HECW1: variants seen among roughly 807,000 people sequenced by gnomAD.
HECW1 encodes E3 ubiquitin-protein ligase HECW1.
In HECW1, 61 loss-of-function variants were observed where a neutral mutation model predicts 182.3. The ratio of observed to expected loss-of-function variants is 0.33; its 90% CI spans 0.27 to 0.41. HECW1 has a LOEUF of 0.41. Among genes scored for constraint, HECW1 ranks in the 10% least tolerant of loss-of-function variants. The pLI is 1.00. For missense variants in HECW1, 1,739 were observed against 2,108.9 expected, an observed-to-expected ratio of 0.82 and a Z score of 3.44; for synonymous variants, 859 against 832.6, an observed-to-expected ratio of 1.03 and a Z score of -0.55.
chr7:43,200,546 G>A (rs1411822583), intron 2 of HECW1, among the ~76,000 whole-genome samples: 1 of 152,164 alleles, frequency 6.6e-6, no homozygotes, highest in African/African-American at 2.4e-5. Context: ...TGATGTGTGT[G>A]CTGAGACAGC....
chr7:43,171,861 T>C (rs1171415734), intron 2 of HECW1, among the ~76,000 whole-genome samples: 1 of 152,124 alleles, frequency 6.6e-6, no homozygotes, highest in Non-Finnish European at 1.5e-5. Flanking sequence ...TTTTGACAGT[T>C]TTTGAGATTA....
intron 2 of HECW1, among the ~76,000 whole-genome samples, chr7:43,178,764 C>T (rs1250770865): frequency 6.6e-6 from 1 of 152,216 alleles, no homozygotes; most frequent in East Asian, 1.9e-4. Context: ...TGCTTTGAAT[C>T]ACTGTGGTTC....
chr7:43,151,273 T>C (rs1220000130), intron 2 of HECW1, among the ~76,000 whole-genome samples: 1 of 152,218 alleles, frequency 6.6e-6, no homozygotes, highest in Non-Finnish European at 1.5e-5. Context: ...AGATTATTTT[T>C]GGGGTTTCCT....
intron 4 of HECW1, among the ~76,000 whole-genome samples, 158 bp from the exon 5 acceptor site, chr7:43,320,477 C>A (rs1809963705): frequency 6.6e-6 from 1 of 152,218 alleles, no homozygotes; most frequent in Admixed American, 6.5e-5. Context: ...CCAATGGCGT[C>A]TTGGGGTGCT....
chr7:43,283,372 G>A (rs1015398954), intron 3 of HECW1, among the ~76,000 whole-genome samples: 3 of 152,136 alleles, frequency 2.0e-5, no homozygotes, highest in Non-Finnish European at 2.9e-5. Context: ...GAATCCAGCT[G>A]TCTTCTGTTA....
chr7:43,187,364 A>C (rs956521259), intron 2 of HECW1, among the ~76,000 whole-genome samples: 2 of 152,208 alleles, frequency 1.3e-5, no homozygotes, highest in African/African-American at 4.8e-5. Flanking sequence ...CACCTGCTGA[A>C]GGTAGTGTCA....
Position 43,509,747 on chromosome 7 carries a change from C to T in HECW1, c.4019+626C>T, listed in dbSNP as rs529260135. ...GCTGCTGGGACACCTGGGATGCAGG[C>T]ACTTTCCTGCTGCATCACCACATGC... is the stretch of plus-strand genomic sequence containing the variant. On this transcript the variant is annotated intron_variant, in intron 24 of 29. Coordinates refer to ENST00000395891, the MANE Select transcript of HECW1 (RefSeq NM_015052.5). 3 of 152,390 alleles carry T rather than the reference C, an allele frequency of 2.0e-5. No individual in the cohort carries two copies. In the South Asian group the frequency reaches 6.2e-4, roughly 32 times the overall value. 9.4% of individuals were successfully genotyped at this position (152,390 alleles called of 1,614,324 possible).
At position 43,563,867 on chromosome 7, in the gene HECW1, TA is replaced by T. The variant is rs11352876; in HGVS notation, c.*1951del. ...CTGGATGATCAAGGGAGACACCATCTAAAAAAAAAATAAATAAAAATAAAAG... is the reference window on the plus strand; with the variant it reads ...CTGGATGATCAAGGGAGACACCATCTAAAAAAAAATAAATAAAAATAAAAG... On this transcript the variant is annotated 3_prime_UTR_variant, in exon 30 of 30. Transcript: ENST00000395891. 0.25 allele frequency: 44,283 copies of T among 175,112 alleles called. 5,921 individuals are homozygous for T. Among genetic ancestry groups the T allele is most frequent in the African/African-American group, 0.36 (15,013 of 41,926 alleles). The allele number at this position is 175,112 out of a possible 1,614,324, so 10.8% of individuals were successfully genotyped here.
At chr7:43,480,642 TA>T (rs1173527452) in intron 17 of HECW1, among the ~76,000 whole-genome samples, 2 of 146,368 alleles carry the variant, frequency 1.4e-5, no homozygotes, top group Non-Finnish European at 3.0e-5. Flanking sequence ...TGTGTGTACA[TA>T]TGTGTGTGTG....
At chr7:43,184,014 A>AT (rs1176334729) in intron 2 of HECW1, among the ~76,000 whole-genome samples, 22 of 151,140 alleles carry the variant, frequency 1.5e-4, no homozygotes, top group Admixed American at 5.3e-4. Context: ...TTTTATTATT[A>AT]TTATTATTTT....
chr7:43,434,865 T>C (rs936361544), intron 8 of HECW1, among the ~76,000 whole-genome samples: 2 of 152,186 alleles, frequency 1.3e-5, no homozygotes, highest in African/African-American at 4.8e-5. Context: ...GTAGAAATAG[T>C]CTCATTTTAA....
Position 43,507,886 on chromosome 7 carries a change from G to A in HECW1, c.3753-132G>A, listed in dbSNP as rs2079655191. On this transcript the variant is annotated intron_variant, in intron 22 of 29. Transcript: ENST00000395891. ...ATCCCTCGATGAACTGACGGAACCT[G>A]GGTCCTGCTCTTTCCTCTCTCTTTG... The A allele has an allele frequency of 4.2e-5, 26 of 614,530 alleles. No individual in the cohort carries two copies. The South Asian group carries it at 5.3e-4, about 13-fold the overall frequency. The allele number at this position is 614,530 out of a possible 1,614,324, so 38.1% of individuals were successfully genotyped here.
At chr7:43,192,468 G>T (rs1794012221) in intron 2 of HECW1, among the ~76,000 whole-genome samples, 1 of 151,966 alleles carries the variant, frequency 6.6e-6, no homozygotes, top group African/African-American at 2.4e-5. Context: ...CATGTACATT[G>T]AGTATACATA....
intron 2 of HECW1, among the ~76,000 whole-genome samples, chr7:43,219,211 G>A (rs1796730955): frequency 1.3e-5 from 2 of 152,264 alleles, no homozygotes; most frequent in African/African-American, 4.8e-5. Context: ...GGACAACAGT[G>A]GGAATCGCCA....
intron 5 of HECW1, among the ~76,000 whole-genome samples, chr7:43,323,091 CCTGA>C (rs778396665): frequency 2.6e-4 from 40 of 152,268 alleles, no homozygotes; most frequent in Non-Finnish European, 4.9e-4. Context: ...TATATGATCT[CCTGA>C]CTATCTCCTC....
chr7:43,554,887 C>A, intron 29 of HECW1, 97 bp downstream of exon 29: 1 of 1,114,668 alleles, frequency 9.0e-7, no homozygotes, highest in South Asian at 1.5e-5. Context: ...GGATGGAATT[C>A]TTTCCTGTCA....
chr7:43,284,145 C>T (rs1367731760), intron 3 of HECW1, among the ~76,000 whole-genome samples: 1 of 152,170 alleles, frequency 6.6e-6, no homozygotes, highest in African/African-American at 2.4e-5. Flanking sequence ...TCTCTGCAGG[C>T]TGCCTAGTGA....
chr7:43,262,893 A>G (rs778298466), intron 3 of HECW1, among the ~76,000 whole-genome samples: 2 of 152,148 alleles, frequency 1.3e-5, no homozygotes, highest in Admixed American at 6.5e-5. Context: ...TACATGACAC[A>G]TATATGGCTT....
intron 5 of HECW1, among the ~76,000 whole-genome samples, chr7:43,340,329 T>C (rs1812808797): frequency 6.7e-6 from 1 of 149,616 alleles, no homozygotes; most frequent in African/African-American, 2.5e-5. Flanking sequence ...CAAGCAATTC[T>C]CCTGCTTCAG....
Sources: allele counts gnomAD v4.1 joint callset (sites outside exome capture counted in the v4.1 genomes callset), GRCh38; gene constraint gnomAD v4.1.1; transcripts MANE v1.5; gene names NCBI Gene and HGNC (gene_info 2026-07-23, HGNC 2026-07-21).